TAOK1: variants seen among roughly 807,000 people sequenced by gnomAD.
The protein encoded by TAOK1 is serine/threonine-protein kinase TAO1.
A neutral mutation model predicts 138.3 loss-of-function variants in TAOK1; 21 were observed. The observed-to-expected ratio is 0.15, with a 90% CI of 0.11 to 0.22. The LOEUF (loss-of-function observed/expected upper bound fraction) is 0.22. Ranked by LOEUF, TAOK1 falls within the 10% of genes least tolerant of loss-of-function variation. The pLI is 1.00. For synonymous variants in TAOK1, 361 were observed against 398.4 expected, an observed-to-expected ratio of 0.91 and a Z score of 1.12; for missense variants, 651 against 1,227.7, an observed-to-expected ratio of 0.53 and a Z score of 7.02.
chr17:29,525,721 T>G (rs1286875497), intron 17 of TAOK1, among the ~76,000 whole-genome samples: 1 of 152,166 alleles, frequency 6.6e-6, no homozygotes, highest in Non-Finnish European at 1.5e-5. Flanking sequence ...AAATAAAAAC[T>G]TTTCGCTGGG....
At position 29,478,249 on chromosome 17, in the gene TAOK1, A is replaced by G; in HGVS notation, c.353-2A>G. 6.3e-7 allele frequency: 1 copy of G among 1,587,394 alleles called. No individual in the cohort carries two copies. The highest frequency in any genetic ancestry group is 1.4e-5 in the African/African-American group (1 of 73,768). ...ATTAATTATTTTGAAATAAATTTTA[A>G]GTTCACAAAAAGCCATTACAAGAAG... On this transcript the variant is annotated splice_acceptor_variant, in intron 5 of 19. Transcript: ENST00000261716. LOFTEE classifies it high-confidence loss of function.
At chr17:29,496,579 C>CTTTT (rs748595265) in intron 11 of TAOK1, among the ~76,000 whole-genome samples, 13 of 87,878 alleles carry the variant, frequency 1.5e-4, no homozygotes, top group Non-Finnish European at 1.8e-4. Context: ...CCATCTACAC[C>CTTTT]TTTTTTTTTT....
intron 1 of TAOK1, among the ~76,000 whole-genome samples, chr17:29,397,626 A>ATACATGTATACATG (rs1555555321): frequency 4.7e-5 from 5 of 107,460 alleles, no homozygotes; most frequent in Non-Finnish European, 7.0e-5. Flanking sequence ...ATATATATAT[A>ATACATGTATACATG]TATACATGTA....
At chr17:29,433,209 G>T (rs1414862994) in intron 1 of TAOK1, among the ~76,000 whole-genome samples, 1 of 152,044 alleles carries the variant, frequency 6.6e-6, no homozygotes, top group Non-Finnish European at 1.5e-5. Context: ...AAGCCGGGTG[G>T]ATTACGAGGT....
chr17:29,514,833 A>AC (rs2031784105), intron 15 of TAOK1: 1 of 150,866 alleles, frequency 6.6e-6, no homozygotes, highest in Non-Finnish European at 1.5e-5. Context: ...GTCTAGCAAA[A>AC]AAAAAAAAAA....
chr17:29,541,166 G>A (rs148160030), intron 19 of TAOK1, among the ~76,000 whole-genome samples: 1,553 of 152,070 alleles, frequency 0.01, 11 homozygotes, highest in Non-Finnish European at 0.015. Context: ...CTGGAGTGCA[G>A]TGGTGTGATC....
At chr17:29,446,366 C>T (rs925789363) in intron 1 of TAOK1, among the ~76,000 whole-genome samples, 6 of 152,008 alleles carry the variant, frequency 3.9e-5, no homozygotes, top group Admixed American at 6.6e-5. Flanking sequence ...CTCAGCCTAC[C>T]GAGTACCTGG....
intron 18 of TAOK1, among the ~76,000 whole-genome samples, chr17:29,533,220 C>T (rs1252364240): frequency 7.3e-6 from 1 of 136,518 alleles, no homozygotes; most frequent in Non-Finnish European, 1.6e-5. Context: ...GGGGCAGAGG[C>T]GCTCCCCACA....
Position 29,550,124 on chromosome 17 carries a change from G to A in TAOK1, c.*7102G>A, listed in dbSNP as rs1163124997. ...GTAAAATCCAAGAAAAGAGAAGGAT[G>A]TGTGGGGTTTCTATTAGAAGATAAT... On this transcript the variant is annotated 3_prime_UTR_variant, in exon 20 of 20. Transcript: ENST00000261716. The A allele has an allele frequency of 6.6e-6, 1 of 152,184 alleles. No homozygotes were observed. The allele number at this position is 152,184 out of a possible 1,614,324, so 9.4% of individuals were successfully genotyped here.
At chr17:29,486,866 A>G (rs984742972) in intron 8 of TAOK1, among the ~76,000 whole-genome samples, 1 of 152,188 alleles carries the variant, frequency 6.6e-6, no homozygotes, top group African/African-American at 2.4e-5. Context: ...CAGAATTTGA[A>G]CAGAGAAAGG....
Position 29,517,598 on chromosome 17 carries a change from G to A in TAOK1, c.1850G>A (p.Arg617His), listed in dbSNP as rs760928461. 3 of 1,613,510 alleles carry A rather than the reference G, an allele frequency of 1.9e-6. No individual in the cohort carries two copies. Among genetic ancestry groups the A allele is most frequent in the South Asian group, 2.2e-5 (2 of 91,074 alleles). ...QRQYLELECR[R>H]FKRRMLLGRH... ...CAATACCTAGAGCTGGAATGCCGTC[G>A]CTTCAAGAGAAGAATGTTACTTGGG... Residue 617 changes from arginine (R) to histidine (H), a missense_variant, in exon 16 of 20, where the codon CGC becomes CAC. Arg to His is a conservative substitution (Grantham distance 29, BLOSUM62 0). Coordinates refer to ENST00000261716, the MANE Select transcript of TAOK1 (RefSeq NM_020791.4).
intron 17 of TAOK1, among the ~76,000 whole-genome samples, chr17:29,525,097 G>A (rs1309720756): frequency 6.6e-6 from 1 of 151,480 alleles, no homozygotes; most frequent in African/African-American, 2.4e-5. Context: ...CACAATGTTT[G>A]TTTTTTTTGT....
At chr17:29,510,567 G>A (rs73278625) in intron 14 of TAOK1, among the ~76,000 whole-genome samples, 5,582 of 152,124 alleles carry the variant, frequency 0.037, 318 homozygotes, top group African/African-American at 0.13. Flanking sequence ...TTTTACTGAG[G>A]GATTGAGGGT....
intron 17 of TAOK1, among the ~76,000 whole-genome samples, chr17:29,524,650 T>G (rs528693385): frequency 6.6e-6 from 1 of 152,358 alleles, no homozygotes; most frequent in South Asian, 2.1e-4. Flanking sequence ...CTTGAACATT[T>G]TAACACCAAG....
At chr17:29,533,005 A>ACTCCCGGGCGGGGCGGTTGG (rs1555568796) in intron 18 of TAOK1, among the ~76,000 whole-genome samples, 1 of 68,476 alleles carries the variant, frequency 1.5e-5, no homozygotes, top group African/African-American at 5.7e-5. Flanking sequence ...CCCACCTCCA[A>ACTCCCGGGCGGGGCGGTTGG]CCGGGCGGGG....
rs547368498 is a variant in TAOK1 at position 29,464,822 on chromosome 17, C to CTT, written c.133-2304_133-2303dup. Among the ~76,000 whole-genome samples the CTT allele has an allele frequency of 7.0e-3, 923 of 132,064 alleles. 17 individuals carry two copies. Among genetic ancestry groups the CTT allele is most frequent in the African/African-American group, 0.024 (840 of 35,722 alleles). 86.6% of individuals were successfully genotyped at this position (132,064 alleles called of 152,430 possible). A position where few individuals can be genotyped will look rare whatever the true frequency, so the allele number is the denominator to read the frequency against. Reference sequence around the variant, plus strand: ...GCAGAACACAGATAATAAGCTCTGTCTTTTTTTTTTTTTTTTTTTTGATAC... The same window carrying CTT: ...GCAGAACACAGATAATAAGCTCTGTCTTTTTTTTTTTTTTTTTTTTTTGATAC... On this transcript the variant is annotated intron_variant, in intron 2 of 19. Transcript: ENST00000261716.
chr17:29,477,413 TTAATG>T (rs147448911), intron 4 of TAOK1, among the ~76,000 whole-genome samples: 5,596 of 151,978 alleles, frequency 0.037, 354 homozygotes, highest in African/African-American at 0.13. Flanking sequence ...TATTAAAAGA[TTAATG>T]TATCATTGGC....
intron 1 of TAOK1, among the ~76,000 whole-genome samples, chr17:29,424,451 A>AC (rs1196288399): frequency 6.6e-6 from 1 of 151,570 alleles, no homozygotes; most frequent in Non-Finnish European, 1.5e-5. Context: ...AAAAAAAAAA[A>AC]AAAAAAAGAC....
At chr17:29,409,319 A>G (rs1165450213) in intron 1 of TAOK1, among the ~76,000 whole-genome samples, 1 of 67,112 alleles carries the variant, frequency 1.5e-5, no homozygotes, top group Admixed American at 1.7e-4. Flanking sequence ...ATATATATAT[A>G]TATATATATA....
Sources: allele counts gnomAD v4.1 joint callset (sites outside exome capture counted in the v4.1 genomes callset), GRCh38; gene constraint gnomAD v4.1.1; transcripts MANE v1.5; gene names NCBI Gene and HGNC (gene_info 2026-07-23, HGNC 2026-07-21).